The following GFM1 variants were observed in gnomAD, a reference collection of about 807,000 sequenced individuals.
The protein encoded by GFM1 is elongation factor G, mitochondrial.
In GFM1, 62 loss-of-function variants were observed where a neutral mutation model predicts 96.2. That is an observed-to-expected ratio of 0.64 (90% CI 0.53 to 0.80). The LOEUF is 0.80. GFM1 is among the 30% of genes least tolerant of loss of function. The pLI is 0.00. For missense variants in GFM1, 852 were observed against 916.6 expected, an observed-to-expected ratio of 0.93 and a Z score of 0.91; for synonymous variants, 282 against 312.9, an observed-to-expected ratio of 0.90 and a Z score of 1.04.
chr3:158,669,115 A>G, intron 13 of GFM1: 1 of 1,613,490 alleles, frequency 6.2e-7, no homozygotes, highest in Non-Finnish European at 8.5e-7. Context: ...ATTTCTGGAG[A>G]TACATTTCCA....
intron 13 of GFM1, among the ~76,000 whole-genome samples, chr3:158,678,174 A>C (rs540888062): frequency 6.6e-6 from 1 of 152,332 alleles, no homozygotes; most frequent in South Asian, 2.1e-4. Context: ...CCTGTCACAC[A>C]AGAGCTCTGA....
Position 158,691,305 on chromosome 3 carries a change from AAAAAACCCTCTCTTTTTTTT to A in GFM1, c.2125-27_2125-8del. On this transcript the variant is annotated splice_polypyrimidine_tract_variant and intron_variant, in intron 17 of 17. Coordinates refer to ENST00000486715, the MANE Select transcript of GFM1 (RefSeq NM_024996.7). ...TAGTTTAAAAAACAAACAAACAAACAAAAAACCCTCTCTTTTTTTTAAATCCCTAGGGAAAGGGAGAATAC... is the reference window on the plus strand; with the variant it reads ...TAGTTTAAAAAACAAACAAACAAACAAAATCCCTAGGGAAAGGGAGAATAC... 6.6e-7 allele frequency: 1 copy of A among 1,515,758 alleles called. No homozygotes were observed. The highest frequency in any genetic ancestry group is 8.8e-7 in the Non-Finnish European group (1 of 1,139,382). The allele number at this position is 1,515,758 out of a possible 1,614,324, so 93.9% of individuals were successfully genotyped here.
intron 6 of GFM1, 105 bp from the exon 7 acceptor site, chr3:158,653,205 C>G: frequency 1.1e-6 from 1 of 921,486 alleles, no homozygotes; most frequent in East Asian, 2.6e-5. Context: ...AGTCAGCACT[C>G]CAAAGAGTAG....
At chr3:158,647,564 C>T (rs1362223198) in intron 4 of GFM1, among the ~76,000 whole-genome samples, 1 of 152,184 alleles carries the variant, frequency 6.6e-6, no homozygotes, top group Non-Finnish European at 1.5e-5. Context: ...TTACGTTTCA[C>T]ATGGCATAGT....
At chr3:158,673,027 T>G (rs1044303006) in intron 13 of GFM1, among the ~76,000 whole-genome samples, 2 of 152,300 alleles carry the variant, frequency 1.3e-5, no homozygotes, top group South Asian at 4.1e-4. Flanking sequence ...CTCCAGGTAG[T>G]GATTCGATTC....
chr3:158,645,767 G>T lies in GFM1; in HGVS notation c.220G>T (p.Ala74Ser), dbSNP rs140377587. 481 of 1,612,426 alleles carry T rather than the reference G, an allele frequency of 3.0e-4. 2 individuals are homozygous for T. In the African/African-American group the frequency reaches 5.7e-3, roughly 19 times the overall value. The change falls in exon 2 of 18, where the codon GCA becomes TCA. Residue 74 changes from alanine (A) to serine (S), a missense_variant. Coordinates refer to ENST00000486715, the MANE Select transcript of GFM1 (RefSeq NM_024996.7). Reference protein sequence around the residue: ...ERVLYYTGRIAKMHEVKGKDG... With the variant: ...ERVLYYTGRISKMHEVKGKDG... The stretch of plus-strand genomic sequence containing the variant: ...AGTCCTTTACTACACTGGCAGAATT[G>T]CAAAGATGCATGAGGTATATATTCA...
At chr3:158,689,197 GA>G in intron 15 of GFM1, among the ~76,000 whole-genome samples, 1 of 152,286 alleles carries the variant, frequency 6.6e-6, no homozygotes, top group East Asian at 1.9e-4. Context: ...TTAGCAGAAA[GA>G]AGTGTTTTGG....
chr3:158,650,000 C>A (rs971923164), intron 5 of GFM1: 5 of 1,535,626 alleles, frequency 3.3e-6, no homozygotes, highest in Non-Finnish European at 3.5e-6. Flanking sequence ...GTCGTTTCTC[C>A]ACAGGCACTT....
intron 9 of GFM1, among the ~76,000 whole-genome samples, 185 bp downstream of exon 9, chr3:158,659,244 C>T (rs1363766603): frequency 6.6e-6 from 1 of 152,148 alleles, no homozygotes. Flanking sequence ...CAGTTGTTAA[C>T]TCATTTTTTT....
rs374592703 is a variant in GFM1, at chr3:158,654,716, CT to C, written c.1083+89del. On this transcript the variant is annotated intron_variant, in intron 8 of 17. Transcript: ENST00000486715. ...TATTCCTATTACAGAATGACTCTGACTTTTATGAAAGATTTGGAAAATAGGA... is the reference window on the plus strand; with the variant it reads ...TATTCCTATTACAGAATGACTCTGACTTTATGAAAGATTTGGAAAATAGGA... 1,341 of 896,682 alleles carry C rather than the reference CT, an allele frequency of 1.5e-3. 5 individuals carry two copies. Among genetic ancestry groups the C allele is most frequent in the Non-Finnish European group, 1.9e-3 (1,026 of 535,794 alleles). The allele number at this position is 896,682 out of a possible 1,614,324, so 55.5% of individuals were successfully genotyped here.
In GFM1 at chr3:158,669,256, TATGG is replaced by T. The variant is rs1724030656; in HGVS notation, c.1601+2873_1601+2876del. Reference sequence around the variant, plus strand: ...TGTGCAAAAAATAATTTAATTAAGCTATGGATCTATAAAATTTCTGAGGCCTCTT... The same window carrying T: ...TGTGCAAAAAATAATTTAATTAAGCTATCTATAAAATTTCTGAGGCCTCTT... On this transcript the variant is annotated intron_variant, in intron 13 of 17. Transcript: ENST00000486715. 1.4e-5 allele frequency: 17 copies of T among 1,223,866 alleles called. No homozygotes were observed. The South Asian group carries it at 2.3e-4, about 17-fold the overall frequency. 75.8% of individuals were successfully genotyped at this position (1,223,866 alleles called of 1,614,324 possible).
rs561960337 is a variant in GFM1 at position 158,672,560 on chromosome 3, G to C, written c.1601+6174G>C. The stretch of plus-strand genomic sequence containing the variant: ...CAGAGCGCCGCCCGTCCTGCTTGCT[G>C]CTGGGTCCGGTTGCCGAGGCGGAAA... On this transcript the variant is annotated intron_variant, in intron 13 of 17. Coordinates refer to ENST00000486715, the MANE Select transcript of GFM1 (RefSeq NM_024996.7). 4.5e-6 allele frequency: 7 copies of C among 1,560,930 alleles called. No homozygotes were observed. The South Asian group carries it at 5.7e-5, about 13-fold the overall frequency.
chr3:158,672,498 C>G, intron 13 of GFM1: 1 of 1,613,360 alleles, frequency 6.2e-7, no homozygotes, highest in Non-Finnish European at 8.5e-7. Context: ...GCAGTGACTT[C>G]AGGGCTTGGG....
chr3:158,650,341 A>G lies in GFM1; in HGVS notation c.689+1184A>G, dbSNP rs142355183. ...GGCAGTTGTAACTGCCTAGTACATA[A>G]TAGGGACTCAAAAATATTTGTAAAT... is the stretch of plus-strand genomic sequence containing the variant. On this transcript the variant is annotated intron_variant, in intron 5 of 17. Coordinates refer to ENST00000486715, the MANE Select transcript of GFM1 (RefSeq NM_024996.7). The G allele has an allele frequency of 0.016, 5,529 of 345,418 alleles. 80 individuals are homozygous for G. Among genetic ancestry groups the G allele is most frequent in the Non-Finnish European group, 0.022 (3,962 of 183,226 alleles). 21.4% of individuals were successfully genotyped at this position (345,418 alleles called of 1,614,324 possible). A position where few individuals can be genotyped will look rare whatever the true frequency, so the allele number is the denominator to read the frequency against.
intron 2 of GFM1, 94 bp from the exon 3 acceptor site, chr3:158,646,071 C>T (rs758103003): frequency 2.0e-6 from 3 of 1,491,424 alleles, no homozygotes; most frequent in Non-Finnish European, 2.8e-6. Context: ...GCATGAGCCA[C>T]TGCACCTGGC....
chr3:158,676,420 A>G (rs1724901837), intron 13 of GFM1, among the ~76,000 whole-genome samples: 1 of 152,194 alleles, frequency 6.6e-6, no homozygotes, highest in Non-Finnish European at 1.5e-5. Context: ...AAATAAATAT[A>G]TATGTACACA....
chr3:158,669,280 C>T, intron 13 of GFM1: 2 of 1,191,104 alleles, frequency 1.7e-6, no homozygotes, highest in East Asian at 2.6e-5. Flanking sequence ...ATTTCTGAGG[C>T]CTCTTTTTTG....
chr3:158,655,377 A>G (rs759645660), intron 8 of GFM1, among the ~76,000 whole-genome samples: 48 of 151,946 alleles, frequency 3.2e-4, no homozygotes, highest in Non-Finnish European at 5.7e-4. Context: ...CCAGCTACTC[A>G]GGACGCTGAG....
intron 15 of GFM1, among the ~76,000 whole-genome samples, chr3:158,686,537 T>C (rs1408883261): frequency 6.7e-6 from 1 of 149,910 alleles, no homozygotes; most frequent in Non-Finnish European, 1.5e-5. Context: ...AATGGTAAGA[T>C]TCATTTGGAG....
Sources: allele counts gnomAD v4.1 joint callset (sites outside exome capture counted in the v4.1 genomes callset), GRCh38; gene constraint gnomAD v4.1.1; transcripts MANE v1.5; gene names NCBI Gene and HGNC (gene_info 2026-07-23, HGNC 2026-07-21).